Variants in RHAG observed in about 807,000 individuals in gnomAD.
The protein encoded by RHAG is ammonium transporter Rh type A.
In RHAG, 25 loss-of-function variants were observed where a neutral mutation model predicts 42.4. The observed-to-expected ratio is 0.59, with a 90% CI of 0.43 to 0.82. RHAG has a LOEUF of 0.82. RHAG is among the 40% of genes least tolerant of loss of function. RHAG has a pLI of 0.00. For missense variants in RHAG, 483 were observed against 504.6 expected (o/e 0.96, Z 0.41); for synonymous variants, 182 against 177.7 (o/e 1.02, Z -0.19).
At chr6:49,624,242 C>G (rs991498812) in intron 1 of RHAG, among the ~76,000 whole-genome samples, 15 of 152,062 alleles carry the variant, frequency 9.9e-5, no homozygotes, top group Non-Finnish European at 5.9e-5. Context: ...CTCACTCTGT[C>G]TTGCCTAGGC....
chr6:49,610,598 G>A (rs1029355605), intron 7 of RHAG, among the ~76,000 whole-genome samples: 1 of 152,152 alleles, frequency 6.6e-6, no homozygotes, highest in Admixed American at 6.5e-5. Flanking sequence ...CAGTGTTGTT[G>A]ATTCTGCAGA....
At chr6:49,624,327 TC>T (rs939673501) in intron 1 of RHAG, among the ~76,000 whole-genome samples, 2 of 152,170 alleles carry the variant, frequency 1.3e-5, no homozygotes, top group Non-Finnish European at 2.9e-5. Context: ...TGTCTCAGCC[TC>T]CCGAGTAGCT....
At chr6:49,614,948 G>A in intron 4 of RHAG, 95 bp from the exon 5 acceptor site, 1 of 1,183,362 alleles carries the variant, frequency 8.5e-7, no homozygotes, top group Non-Finnish European at 1.2e-6. Flanking sequence ...TTATTTATTT[G>A]TTTATTTATT....
Position 49,630,494 on chromosome 6 carries a change from A to G in RHAG, c.157+6162T>C, listed in dbSNP as rs186756309. Among the ~76,000 whole-genome samples, 131 of 152,314 alleles carry G rather than the reference A, an allele frequency of 8.6e-4. 1 individual carries two copies. Among genetic ancestry groups the G allele is most frequent in the African/African-American group, 2.9e-3 (122 of 41,568 alleles). On this transcript the variant is annotated intron_variant, in intron 1 of 9. Transcript: ENST00000371175. ...GCTGGCAAGGTAGTTTGCTATACAT[A>G]TAACTTTTTGGCAATCTTTTGAACC...
intron 1 of RHAG, among the ~76,000 whole-genome samples, chr6:49,622,984 C>T (rs1395308524): frequency 6.6e-6 from 1 of 151,684 alleles, no homozygotes; most frequent in Admixed American, 6.6e-5. Context: ...TACAGGCGTC[C>T]GCCACTACGC....
rs377046145 is a variant in RHAG, at chr6:49,633,276, C to T, written c.157+3380G>A. On this transcript the variant is annotated intron_variant, in intron 1 of 9. Coordinates refer to ENST00000371175, the MANE Select transcript of RHAG (RefSeq NM_000324.3). The stretch of plus-strand genomic sequence containing the variant: ...GGGGAGGAACCGAGCCTTTTCTTTG[C>T]TTGAATCCCTGCACTGGCACTGGGC... Among the ~76,000 whole-genome samples, 6 of 152,208 alleles carry T rather than the reference C, an allele frequency of 3.9e-5. 1 individual carries two copies. The highest frequency in any genetic ancestry group is 1.4e-4 in the African/African-American group (6 of 41,560).
chr6:49,621,907 A>G (rs906209432), intron 1 of RHAG, among the ~76,000 whole-genome samples: 3 of 152,176 alleles, frequency 2.0e-5, no homozygotes, highest in African/African-American at 7.2e-5. Flanking sequence ...TTATAGTCAC[A>G]AACTAGAATA....
chr6:49,612,977 A>G (rs1288090455), intron 5 of RHAG, among the ~76,000 whole-genome samples: 4 of 152,200 alleles, frequency 2.6e-5, no homozygotes, highest in Non-Finnish European at 5.9e-5. Flanking sequence ...AAATGTAGAG[A>G]CATTGAAATG....
At position 49,607,210 on chromosome 6, in the gene RHAG, T is replaced by C; in HGVS notation, c.1078A>G (p.Met360Val). Residue 360 changes from methionine to valine, a missense_variant, in exon 8 of 10, where the codon ATG (methionine) becomes GTG (valine). Transcript: ENST00000371175. ...GAGGAACCCAGTGCAGCTGCCTGCA[T>C]GGCCATAGACCTAAGGAAGCAAACA... ...AMGASNTSMA[M>V]QAAALGSSIG... 5 of 1,613,498 alleles carry C rather than the reference T, an allele frequency of 3.1e-6. No homozygotes were observed. The highest frequency in any genetic ancestry group is 4.2e-6 in the Non-Finnish European group (5 of 1,179,664).
intron 3 of RHAG, among the ~76,000 whole-genome samples, chr6:49,616,811 T>A (rs759203114): frequency 1.3e-5 from 2 of 152,190 alleles, no homozygotes; most frequent in Non-Finnish European, 2.9e-5. Context: ...GCATATATGA[T>A]CTATCTAGCA....
rs1010352491 is a variant in RHAG at position 49,605,741 on chromosome 6, G to C, written c.*72C>G. 7.6e-7 allele frequency: 1 copy of C among 1,320,466 alleles called. No individual in the cohort carries two copies. Among genetic ancestry groups the C allele is most frequent in the Non-Finnish European group, 1.1e-6 (1 of 912,002 alleles). 81.8% of individuals were successfully genotyped at this position (1,320,466 alleles called of 1,614,324 possible). A position where few individuals can be genotyped will look rare whatever the true frequency, so the allele number is the denominator to read the frequency against. On this transcript the variant is annotated 3_prime_UTR_variant, in exon 10 of 10. Transcript: ENST00000371175. ...CTGGATAATGGGAAAGGAAGCTGGA[G>C]AGCAGGAATGGTGTTTAGACTTCAG... is the stretch of plus-strand genomic sequence containing the variant.
chr6:49,612,753 T>G (rs975540885), intron 5 of RHAG, among the ~76,000 whole-genome samples: 5 of 152,216 alleles, frequency 3.3e-5, no homozygotes, highest in Non-Finnish European at 5.9e-5. Flanking sequence ...AGTGAATGAG[T>G]AATCAGCTTA....
intron 3 of RHAG, 106 bp from the exon 4 acceptor site, chr6:49,615,877 A>T: frequency 9.0e-7 from 1 of 1,110,696 alleles, no homozygotes; most frequent in South Asian, 1.3e-5. Context: ...ACTTAAAAAA[A>T]TTAAAGAGGG....
intron 1 of RHAG, among the ~76,000 whole-genome samples, chr6:49,621,567 T>C (rs1199113060): frequency 6.6e-6 from 1 of 152,224 alleles, no homozygotes; most frequent in Non-Finnish European, 1.5e-5. Flanking sequence ...GACTCGCTGA[T>C]GGGCATTTGT....
chr6:49,622,127 G>A (rs2127354944), intron 1 of RHAG, among the ~76,000 whole-genome samples: 1 of 151,896 alleles, frequency 6.6e-6, no homozygotes, highest in South Asian at 2.1e-4. Context: ...TGTGTTGTGG[G>A]AGGGACCTGG....
chr6:49,619,108 G>A, intron 2 of RHAG, 71 bp downstream of exon 2: 15 of 1,519,154 alleles, frequency 9.9e-6, no homozygotes, highest in Non-Finnish European at 1.3e-5. Flanking sequence ...ATATCATCAT[G>A]TTGGAGGTTA....
At chr6:49,628,769 G>A (rs948003238) in intron 1 of RHAG, among the ~76,000 whole-genome samples, 1 of 151,808 alleles carries the variant, frequency 6.6e-6, no homozygotes, top group Non-Finnish European at 1.5e-5. Context: ...CGTTCCTCCC[G>A]GTGGGCTCGT....
At chr6:49,617,457 A>C (rs1324814975) in intron 3 of RHAG, among the ~76,000 whole-genome samples, 2 of 152,052 alleles carry the variant, frequency 1.3e-5, no homozygotes, top group East Asian at 3.8e-4. Context: ...GCTCTATAAA[A>C]ACAGGAACTT....
chr6:49,615,500 A>G (rs1439160959), intron 4 of RHAG, 124 bp downstream of exon 4: 2 of 1,090,374 alleles, frequency 1.8e-6, no homozygotes, highest in African/African-American at 1.5e-5. Flanking sequence ...AGCTGAGGAT[A>G]CAGTCGTTCA....
Sources: allele counts gnomAD v4.1 joint callset (sites outside exome capture counted in the v4.1 genomes callset), GRCh38; gene constraint gnomAD v4.1.1; transcripts MANE v1.5; gene names NCBI Gene and HGNC (gene_info 2026-07-23, HGNC 2026-07-21).